Variants in ROR1 observed in about 807,000 individuals in gnomAD.
The protein encoded by ROR1 is inactive tyrosine-protein kinase transmembrane receptor ROR1.
ROR1 carries 19 observed loss-of-function variants against 78.8 expected under a neutral mutation model. That is an observed-to-expected ratio of 0.24 (90% CI 0.17 to 0.35). The LOEUF is 0.35. Ranked by LOEUF, ROR1 falls within the 10% of genes least tolerant of loss-of-function variation. The pLI is 1.00. For missense variants in ROR1, 917 were observed against 1,177.8 expected, an observed-to-expected ratio of 0.78 and a Z score of 3.24; for synonymous variants, 386 against 433.6, an observed-to-expected ratio of 0.89 and a Z score of 1.36.
At chr1:64,057,780 A>G (rs561640770) in intron 4 of ROR1, among the ~76,000 whole-genome samples, 1 of 152,218 alleles carries the variant, frequency 6.6e-6, no homozygotes, top group South Asian at 2.1e-4. Flanking sequence ...ACCTCTTTCT[A>G]TATTGTTCTT....
At chr1:64,150,128 TCTC>T (rs1316615945) in intron 7 of ROR1, among the ~76,000 whole-genome samples, 1 of 152,330 alleles carries the variant, frequency 6.6e-6, no homozygotes, top group Non-Finnish European at 1.5e-5. Flanking sequence ...TCACATTTCT[TCTC>T]CTAGCCATGC....
intron 1 of ROR1, among the ~76,000 whole-genome samples, chr1:63,914,069 G>A (rs920626011): frequency 4.6e-5 from 5 of 108,140 alleles, no homozygotes; most frequent in Non-Finnish European, 1.0e-4. Context: ...TTGGGAAGCC[G>A]CATTAGTGTT....
intron 2 of ROR1, among the ~76,000 whole-genome samples, chr1:64,032,089 T>A (rs1458225745): frequency 6.6e-6 from 1 of 152,036 alleles, no homozygotes; most frequent in Non-Finnish European, 1.5e-5. Context: ...ATGCCTGTAA[T>A]CCCAGCACTT....
At chr1:63,993,347 A>G (rs1305922951) in intron 1 of ROR1, among the ~76,000 whole-genome samples, 1 of 152,198 alleles carries the variant, frequency 6.6e-6, no homozygotes, top group Non-Finnish European at 1.5e-5. Context: ...AAATTCTCCC[A>G]TTTTGCACAT....
intron 4 of ROR1, among the ~76,000 whole-genome samples, chr1:64,125,952 G>C (rs1648699727): frequency 1.3e-5 from 2 of 152,186 alleles, no homozygotes; most frequent in African/African-American, 4.8e-5. Flanking sequence ...AACAGTTGCT[G>C]TATTTCTGGA....
At chr1:64,159,245 AC>A in intron 8 of ROR1, 53 bp downstream of exon 8, 1 of 1,336,136 alleles carries the variant, frequency 7.5e-7, no homozygotes, top group Non-Finnish European at 1.1e-6. Flanking sequence ...AAGTTAAAGC[AC>A]CATGTTATAA....
chr1:64,143,450 A>G (rs1020398244), intron 7 of ROR1: 39 of 966,028 alleles, frequency 4.0e-5, no homozygotes, highest in Non-Finnish European at 4.6e-5. Flanking sequence ...CCTAGTTCTC[A>G]TAGATATCAT....
intron 1 of ROR1, among the ~76,000 whole-genome samples, chr1:63,815,259 A>G (rs1024606862): frequency 6.6e-6 from 1 of 152,106 alleles, no homozygotes; most frequent in Non-Finnish European, 1.5e-5. Flanking sequence ...CTTTTTGGAT[A>G]TGGAGAGAAG....
intron 1 of ROR1, among the ~76,000 whole-genome samples, chr1:63,856,795 T>C (rs1645151522): frequency 6.6e-6 from 1 of 152,206 alleles, no homozygotes; most frequent in Non-Finnish European, 1.5e-5. Flanking sequence ...GAAATGGAAG[T>C]GATACATTTT....
chr1:64,139,314 C>T (rs910633708), intron 5 of ROR1, among the ~76,000 whole-genome samples: 1 of 151,748 alleles, frequency 6.6e-6, no homozygotes, highest in African/African-American at 2.4e-5. Context: ...TTTATCCCAG[C>T]GTTTCCCAAA....
chr1:63,774,345 C>T lies in ROR1; in HGVS notation c.-73C>T, dbSNP rs1185328485. 9.8e-7 allele frequency: 1 copy of T among 1,017,554 alleles called. No homozygotes were observed. The highest frequency in any genetic ancestry group is 1.7e-5 in the South Asian group (1 of 58,128). 63.0% of individuals were successfully genotyped at this position (1,017,554 alleles called of 1,614,324 possible). On this transcript the variant is annotated 5_prime_UTR_variant, in exon 1 of 9. Coordinates refer to ENST00000371079, the MANE Select transcript of ROR1 (RefSeq NM_005012.4). This position sits in a 1 kb window ranked among gnomAD's most constrained non-coding sequence, Gnocchi z 5.7. Reference sequence around the variant, plus strand: ...GCGGCCGGGACGAGGCGGCCGGGAGCCCGGGAAGAGCCCGTGGATGTTCTG... The same window carrying T: ...GCGGCCGGGACGAGGCGGCCGGGAGTCCGGGAAGAGCCCGTGGATGTTCTG...
chr1:63,810,166 C>T (rs914676887), intron 1 of ROR1, among the ~76,000 whole-genome samples: 1 of 152,188 alleles, frequency 6.6e-6, no homozygotes, highest in Non-Finnish European at 1.5e-5. Context: ...GTTCATTTTA[C>T]AGGTGTGTTG....
intron 1 of ROR1, among the ~76,000 whole-genome samples, chr1:63,856,033 T>G (rs956450449): frequency 3.3e-5 from 5 of 152,174 alleles, no homozygotes; most frequent in African/African-American, 1.2e-4. Flanking sequence ...ATAACCATTT[T>G]AATGTTCTGT....
intron 4 of ROR1, among the ~76,000 whole-genome samples, chr1:64,120,645 G>A (rs1475046242): frequency 1.3e-5 from 2 of 152,060 alleles, no homozygotes; most frequent in Non-Finnish European, 2.9e-5. Context: ...GACCATGTAG[G>A]TCTAATGGTA....
At chr1:64,144,102 C>T (rs1196065452) in intron 7 of ROR1, among the ~76,000 whole-genome samples, 2 of 152,048 alleles carry the variant, frequency 1.3e-5, no homozygotes, top group African/African-American at 4.8e-5. Context: ...AAATTGGAGA[C>T]AAGAGGAGTC....
At position 63,791,653 on chromosome 1, in the gene ROR1, G is replaced by C. The variant is rs532922505; in HGVS notation, c.91+17145G>C. Among the ~76,000 whole-genome samples the C allele has an allele frequency of 2.6e-4, 40 of 152,198 alleles. 1 individual carries two copies. In the East Asian group the frequency reaches 7.0e-3, roughly 27 times the overall value. ...ATGGGCATGGTGGATGGGCATGAGG[G>C]TGGGGTTCAGGACCTTACCTAGCAT... On this transcript the variant is annotated intron_variant, in intron 1 of 8. Transcript: ENST00000371079.
At chr1:64,113,880 G>C (rs1051946199) in intron 4 of ROR1, 5 of 151,866 alleles carry the variant, frequency 3.3e-5, no homozygotes, top group African/African-American at 1.2e-4. Flanking sequence ...GACAGATCTG[G>C]GTTGGAGGCC....
chr1:64,136,612 A>G (rs1455976421), intron 4 of ROR1, among the ~76,000 whole-genome samples: 1 of 152,058 alleles, frequency 6.6e-6, no homozygotes, highest in Admixed American at 6.6e-5. Flanking sequence ...TGGCACATGA[A>G]TCATGTCATT....
intron 1 of ROR1, among the ~76,000 whole-genome samples, chr1:63,862,551 A>G (rs1645188760): frequency 6.6e-6 from 1 of 152,148 alleles, no homozygotes; most frequent in Non-Finnish European, 1.5e-5. Flanking sequence ...TGAAAGAAGT[A>G]TATCTTTGAA....
Sources: gnomAD v4.1 joint callset for allele counts (sites outside exome capture counted in the v4.1 genomes callset) on GRCh38, gnomAD v4.1.1 for gene constraint, Gnocchi (gnomAD v3.1) non-coding constraint, MANE v1.5 for transcripts, NCBI Gene and HGNC (gene_info 2026-07-23, HGNC 2026-07-21) for gene names.